Variants in TNFRSF13B observed in about 807,000 individuals in gnomAD.
The protein encoded by TNFRSF13B is tumor necrosis factor receptor superfamily member 13B.
In TNFRSF13B, 34 loss-of-function variants were observed where a neutral mutation model predicts 24.0. The observed-to-expected ratio is 1.41, with a 90% confidence interval of 1.08 to 1.88. The LOEUF (loss-of-function observed/expected upper bound fraction) is 1.88. TNFRSF13B is among the 40% of genes most tolerant of loss of function. The pLI, the probability that TNFRSF13B is intolerant of heterozygous loss-of-function variation, is 0.00. For missense variants in TNFRSF13B, 415 were observed against 380.8 expected (o/e 1.09, Z -0.75); for synonymous variants, 173 against 150.3 (o/e 1.15, Z -1.10).
At chr17:16,944,735 C>G (rs1398675894) in intron 3 of TNFRSF13B, among the ~76,000 whole-genome samples, 1 of 152,194 alleles carries the variant, frequency 6.6e-6, no homozygotes, top group Non-Finnish European at 1.5e-5. Context: ...GCCACAGTTC[C>G]AGGTCCCACT....
At chr17:16,960,704 A>G (rs1307140197) in intron 1 of TNFRSF13B, among the ~76,000 whole-genome samples, 1 of 152,226 alleles carries the variant, frequency 6.6e-6, no homozygotes, top group Non-Finnish European at 1.5e-5. Context: ...GATATCTTGG[A>G]TACAGCACCA....
At chr17:16,955,490 C>A (rs1025977775) in intron 1 of TNFRSF13B, among the ~76,000 whole-genome samples, 3 of 152,046 alleles carry the variant, frequency 2.0e-5, no homozygotes, top group Admixed American at 6.5e-5. Context: ...AAGATGTAAT[C>A]GAATAAATTG....
intron 3 of TNFRSF13B, among the ~76,000 whole-genome samples, chr17:16,946,421 G>A (rs938705033): frequency 6.6e-6 from 1 of 152,154 alleles, no homozygotes. Flanking sequence ...AAAAAGAGGT[G>A]TTTGCTGGGA....
intron 3 of TNFRSF13B, among the ~76,000 whole-genome samples, chr17:16,948,135 C>T (rs749191890): frequency 1.3e-4 from 20 of 152,010 alleles, no homozygotes; most frequent in Admixed American, 2.0e-4. Context: ...TGCTAAGTGT[C>T]GAATACAGAT....
chr17:16,940,776 C>A, intron 3 of TNFRSF13B: 1 of 1,394,994 alleles, frequency 7.2e-7, no homozygotes, highest in Admixed American at 2.9e-5. Flanking sequence ...CTTGCTAGGG[C>A]TGTAATTGGG....
At chr17:16,960,993 A>C (rs138957193) in intron 1 of TNFRSF13B, among the ~76,000 whole-genome samples, 6 of 152,386 alleles carry the variant, frequency 3.9e-5, no homozygotes, top group African/African-American at 1.4e-4. Context: ...CAACAAGCAC[A>C]AGAAAAGATG....
At chr17:16,942,365 T>C (rs972047490) in intron 3 of TNFRSF13B, among the ~76,000 whole-genome samples, 6 of 152,196 alleles carry the variant, frequency 3.9e-5, no homozygotes, top group African/African-American at 1.4e-4. Context: ...CACACGCTTT[T>C]AGATTCAGGA....
In TNFRSF13B at chr17:16,943,997, C is replaced by T. The variant is rs569029692; in HGVS notation, c.446-3486G>A. Among the ~76,000 whole-genome samples, 14 of 152,288 alleles carry T rather than the reference C, an allele frequency of 9.2e-5. No homozygotes were observed. In the East Asian group the frequency reaches 2.5e-3, roughly 27 times the overall value. On this transcript the variant is annotated intron_variant, in intron 3 of 4. Coordinates refer to ENST00000261652, the MANE Select transcript of TNFRSF13B (RefSeq NM_012452.3). ...CTCAACATCTCAAGCCATTTTCAGT[C>T]CAGCTTGGGAGCCTGCCCTCCTCTC...
rs749666239 is a variant in TNFRSF13B, at chr17:16,952,570, C to A, written c.75G>T (p.Leu25=). The A allele has an allele frequency of 6.2e-6, 10 of 1,614,204 alleles. No homozygotes were observed. Among genetic ancestry groups the A allele is most frequent in the Non-Finnish European group, 8.5e-6 (10 of 1,180,010 alleles). The change falls in exon 2 of 5, where the codon CTG becomes CTT. Residue 25 remains leucine (L), a synonymous_variant. Transcript: ENST00000261652. ...VDQEERFPQG[L]WTGVAMRSCP... ...AGGATCTCATAGCCACCCCCGTCCACAGGCCCTGTGGAACTGAGAGACCAG... is the reference window on the plus strand; with the variant it reads ...AGGATCTCATAGCCACCCCCGTCCAAAGGCCCTGTGGAACTGAGAGACCAG...
At chr17:16,943,033 C>G (rs78728549) in intron 3 of TNFRSF13B, among the ~76,000 whole-genome samples, 4,942 of 152,302 alleles carry the variant, frequency 0.032, 168 homozygotes, top group African/African-American at 0.09. Context: ...GGGGCAAGCC[C>G]TGAGATCAGC....
intron 4 of TNFRSF13B, chr17:16,940,075 G>A: frequency 9.1e-7 from 1 of 1,104,296 alleles, no homozygotes; most frequent in South Asian, 1.7e-5. Context: ...TGAAGGCTCT[G>A]CATCTGGAGA....
At chr17:16,944,567 C>T (rs1249172272) in intron 3 of TNFRSF13B, among the ~76,000 whole-genome samples, 3 of 152,168 alleles carry the variant, frequency 2.0e-5, no homozygotes, top group African/African-American at 7.2e-5. Context: ...TCCTTGTCCC[C>T]GTGTCACCTG....
At chr17:16,944,056 T>C (rs1447219287) in intron 3 of TNFRSF13B, among the ~76,000 whole-genome samples, 1 of 152,200 alleles carries the variant, frequency 6.6e-6, no homozygotes, top group Non-Finnish European at 1.5e-5. Flanking sequence ...AGCAGGGCTT[T>C]CTGTGCTCTC....
At chr17:16,944,898 A>G (rs1463592646) in intron 3 of TNFRSF13B, among the ~76,000 whole-genome samples, 1 of 152,130 alleles carries the variant, frequency 6.6e-6, no homozygotes, top group Non-Finnish European at 1.5e-5. Flanking sequence ...GCAGCTGGAC[A>G]ACTTGGTCAC....
chr17:16,959,262 A>G (rs1268016641), intron 1 of TNFRSF13B, among the ~76,000 whole-genome samples: 1 of 152,088 alleles, frequency 6.6e-6, no homozygotes, highest in African/African-American at 2.4e-5. Context: ...GGAAATTATA[A>G]AATATCTTGA....
intron 3 of TNFRSF13B, 90 bp from the exon 4 acceptor site, chr17:16,940,601 T>C (rs2087503497): frequency 2.6e-6 from 4 of 1,542,518 alleles, no homozygotes; most frequent in African/African-American, 1.4e-5. Context: ...ATCCCCCTGC[T>C]GTGAGCCTGT....
At position 16,958,638 on chromosome 17, in the gene TNFRSF13B, TAGAA is replaced by T. The variant is rs372597844; in HGVS notation, c.62-6059_62-6056del. 2.1e-4 allele frequency among the ~76,000 whole-genome samples: 32 copies of T among 151,978 alleles called. 1 individual carries two copies. In the South Asian group the frequency reaches 5.4e-3, roughly 26 times the overall value. On this transcript the variant is annotated intron_variant, in intron 1 of 4. Transcript: ENST00000261652. ...GAATGGAAAAGGTATTTTATGCAAA[TAGAA>T]AGCAAAAGAGAGCTGGGGCAGCTAT...
At chr17:16,948,590 A>C in intron 3 of TNFRSF13B, 148 bp downstream of exon 3, 1 of 1,160,870 alleles carries the variant, frequency 8.6e-7, no homozygotes, top group Non-Finnish European at 1.3e-6. Context: ...TGTTTTTTTT[A>C]TCCTGGGATG....
chr17:16,945,280 G>T (rs2087539671), intron 3 of TNFRSF13B, among the ~76,000 whole-genome samples: 1 of 152,182 alleles, frequency 6.6e-6, no homozygotes, highest in African/African-American at 2.4e-5. Context: ...CCAAGGTTCT[G>T]CCCAGTGCCC....
Sources: allele counts gnomAD v4.1 joint callset (sites outside exome capture counted in the v4.1 genomes callset), GRCh38; gene constraint gnomAD v4.1.1; transcripts MANE v1.5; gene names NCBI Gene and HGNC (gene_info 2026-07-23, HGNC 2026-07-21).